The following ENPP2 variants were observed in gnomAD, a reference collection of about 807,000 sequenced individuals.
ENPP2 encodes the protein ectonucleotide pyrophosphatase/phosphodiesterase 2.
ENPP2 carries 51 observed loss-of-function variants against 120.2 expected under a neutral mutation model. The observed-to-expected ratio is 0.42, with a 90% CI of 0.34 to 0.54. The LOEUF (loss-of-function observed/expected upper bound fraction) is 0.54. Ranked by LOEUF, ENPP2 falls within the 20% of genes least tolerant of loss-of-function variation. The probability of loss-of-function intolerance (pLI) is 0.04; values close to 1 mark genes in which losing one functional copy is unlikely to be tolerated. For missense variants in ENPP2, 920 were observed against 1,066.5 expected (o/e 0.86, Z 1.91); for synonymous variants, 365 against 366.4 (o/e 1.00, Z 0.04).
At chr8:119,667,297 G>C (rs1818101454) in intron 1 of ENPP2, among the ~76,000 whole-genome samples, 1 of 152,214 alleles carries the variant, frequency 6.6e-6, no homozygotes, top group Non-Finnish European at 1.5e-5. Context: ...ACTTTTCCAA[G>C]AATTGCTATC....
chr8:119,591,017 C>A (rs11779231), intron 12 of ENPP2, among the ~76,000 whole-genome samples: 3 of 68,468 alleles, frequency 4.4e-5, no homozygotes, highest in African/African-American at 7.7e-5. Flanking sequence ...AAAAAAAAAA[C>A]CCTAGGTTGC....
chr8:119,646,998 CTT>C (rs528326819), intron 1 of ENPP2, among the ~76,000 whole-genome samples: 39 of 140,036 alleles, frequency 2.8e-4, no homozygotes, highest in East Asian at 2.0e-4. Flanking sequence ...TAATCTCTCT[CTT>C]TTTTTTTTTT....
At chr8:119,656,293 G>A (rs1587580937) in intron 1 of ENPP2, among the ~76,000 whole-genome samples, 1 of 151,892 alleles carries the variant, frequency 6.6e-6, no homozygotes, top group Non-Finnish European at 1.5e-5. Context: ...ATTGACAATG[G>A]CCTGGTTGTT....
At chr8:119,588,312 A>C (rs1242172448) in intron 13 of ENPP2, among the ~76,000 whole-genome samples, 1 of 151,960 alleles carries the variant, frequency 6.6e-6, no homozygotes, top group Non-Finnish European at 1.5e-5. Context: ...GGTGGATCAC[A>C]AGTTCAGGAG....
intron 8 of ENPP2, among the ~76,000 whole-genome samples, chr8:119,610,487 TAA>T (rs1491231216): frequency 7.2e-6 from 1 of 138,488 alleles, no homozygotes; most frequent in Non-Finnish European, 1.5e-5. Flanking sequence ...GATAAGGTTA[TAA>T]AAGAGAGAGA....
intron 9 of ENPP2, among the ~76,000 whole-genome samples, chr8:119,606,763 G>T (rs531595822): frequency 6.6e-6 from 1 of 151,602 alleles, no homozygotes; most frequent in Non-Finnish European, 1.5e-5. Flanking sequence ...GGATTAATTT[G>T]AGCCTGCAGT....
At chr8:119,605,428 A>ATGTGTG (rs557037737) in intron 9 of ENPP2, among the ~76,000 whole-genome samples, 13,837 of 134,868 alleles carry the variant, frequency 0.1, 794 homozygotes, top group African/African-American at 0.16. Flanking sequence ...AAGATACCAT[A>ATGTGTG]TATGTGTGTG....
At chr8:119,670,777 A>G (rs192676361) in intron 1 of ENPP2, among the ~76,000 whole-genome samples, 1 of 152,354 alleles carries the variant, frequency 6.6e-6, no homozygotes. Flanking sequence ...CTAAATTCAT[A>G]TATGATATGG....
intron 1 of ENPP2, among the ~76,000 whole-genome samples, chr8:119,653,615 G>A (rs1817686035): frequency 1.3e-5 from 2 of 149,410 alleles, no homozygotes; most frequent in Admixed American, 1.3e-4. Flanking sequence ...AGCAGTAAGA[G>A]ACAATGTCAA....
At chr8:119,630,828 G>C (rs989341234) in intron 2 of ENPP2, among the ~76,000 whole-genome samples, 1 of 152,030 alleles carries the variant, frequency 6.6e-6, no homozygotes, top group Non-Finnish European at 1.5e-5. Flanking sequence ...AAGGTAGTTT[G>C]AGCCATATAG....
At chr8:119,625,749 T>C (rs981072584) in intron 3 of ENPP2, among the ~76,000 whole-genome samples, 1 of 152,188 alleles carries the variant, frequency 6.6e-6, no homozygotes, top group Non-Finnish European at 1.5e-5. Context: ...ATCTGAAATA[T>C]TGTGCTTTGA....
chr8:119,561,787 TTGTGTGTGTGTG>T (rs146680195), intron 24 of ENPP2, among the ~76,000 whole-genome samples: 2 of 149,028 alleles, frequency 1.3e-5, no homozygotes, highest in South Asian at 4.3e-4. Flanking sequence ...TGCTCTTGCT[TTGTGTGTGTGTG>T]TGTGTGTGTG....
upstream of ENPP2, among the ~76,000 whole-genome samples, chr8:119,642,833 G>A (rs1466097906): frequency 6.6e-6 from 1 of 152,140 alleles, no homozygotes; most frequent in Non-Finnish European, 1.5e-5. Context: ...ATGCGTCCTT[G>A]TTCCCTAGCC....
At chr8:119,566,289 G>A (rs1328637127) in intron 22 of ENPP2, among the ~76,000 whole-genome samples, 1 of 152,140 alleles carries the variant, frequency 6.6e-6, no homozygotes, top group Admixed American at 6.5e-5. Flanking sequence ...CAATGGGTTG[G>A]TTCTGAAATA....
chr8:119,639,972 G>A (rs1057510800), upstream of ENPP2, among the ~76,000 whole-genome samples: 8 of 152,074 alleles, frequency 5.3e-5, no homozygotes, highest in Admixed American at 3.9e-4. Flanking sequence ...CTTTTCTTCC[G>A]CAGCACATGT....
chr8:119,640,967 G>A (rs575662276), upstream of ENPP2, among the ~76,000 whole-genome samples: 3 of 151,894 alleles, frequency 2.0e-5, no homozygotes, highest in African/African-American at 4.8e-5. Flanking sequence ...GGATGGTCTC[G>A]AACTCCTGAC....
At chr8:119,647,837 T>C (rs1208193996) in intron 1 of ENPP2, among the ~76,000 whole-genome samples, 1 of 152,118 alleles carries the variant, frequency 6.6e-6, no homozygotes, top group East Asian at 1.9e-4. Context: ...AAATCCCGTC[T>C]TTACTAAAAA....
At chr8:119,660,777 G>C (rs1817897568) in intron 1 of ENPP2, among the ~76,000 whole-genome samples, 1 of 152,160 alleles carries the variant, frequency 6.6e-6, no homozygotes. Context: ...AGCAATCTCT[G>C]TCACAATGAC....
At chr8:119,604,574 T>C (rs1338293434) in intron 9 of ENPP2, among the ~76,000 whole-genome samples, 2 of 107,046 alleles carry the variant, frequency 1.9e-5, no homozygotes, top group Non-Finnish European at 3.7e-5. Context: ...AGACCAAGTA[T>C]ATTAGAAATG....
Sources: gnomAD v4.1 joint callset for allele counts (sites outside exome capture counted in the v4.1 genomes callset) on GRCh38, gnomAD v4.1.1 for gene constraint, MANE v1.5 for transcripts, NCBI Gene and HGNC (gene_info 2026-07-23, HGNC 2026-07-21) for gene names.